The following FBXL17 variants were observed in gnomAD, a reference collection of about 807,000 sequenced individuals.
FBXL17 encodes the protein F-box and leucine rich repeat protein 17, also known as F-box/LRR-repeat protein 17.
In FBXL17, 22 loss-of-function variants were observed where a neutral mutation model predicts 66.2. That is an observed-to-expected ratio of 0.33 (90% CI 0.24 to 0.47). FBXL17 has a LOEUF of 0.47. Among genes scored for constraint, FBXL17 ranks in the 20% least tolerant of loss-of-function variants. FBXL17 has a pLI of 1.00. For synonymous variants in FBXL17, 474 were observed against 400.5 expected (o/e 1.18, Z -2.19); for missense variants, 878 against 948.2 (o/e 0.93, Z 0.97).
rs1754601439 is a variant in FBXL17 at position 108,216,426 on chromosome 5, T to C, written c.1614+7695A>G. 2.6e-5 allele frequency among the ~76,000 whole-genome samples: 4 copies of C among 152,184 alleles called. No individual in the cohort carries two copies. The South Asian group carries it at 8.3e-4, about 31-fold the overall frequency. On this transcript the variant is annotated intron_variant, in intron 5 of 8. Coordinates refer to ENST00000542267, the MANE Select transcript of FBXL17 (RefSeq NM_001163315.3). ...TGTATTTATAAATGTTTTATTATTT[T>C]TGATAATAATGTAAATGAAAGGTTT...
intron 6 of FBXL17, among the ~76,000 whole-genome samples, chr5:108,070,403 C>G (rs190875721): frequency 6.6e-6 from 1 of 152,112 alleles, no homozygotes; most frequent in Non-Finnish European, 1.5e-5. Flanking sequence ...ATGCAAAGAC[C>G]TTTTGATAAT....
chr5:108,206,109 G>A lies in FBXL17; in HGVS notation c.1614+18012C>T, dbSNP rs564073581. On this transcript the variant is annotated intron_variant, in intron 5 of 8. Coordinates refer to ENST00000542267, the MANE Select transcript of FBXL17 (RefSeq NM_001163315.3). ...ACATATAATCGCTTTTGCTTTCATTGATGATGATCATTGCCTCGGTCCATT... is the reference window on the plus strand; with the variant it reads ...ACATATAATCGCTTTTGCTTTCATTAATGATGATCATTGCCTCGGTCCATT... Among the ~76,000 whole-genome samples, 3 of 152,054 alleles carry A rather than the reference G, an allele frequency of 2.0e-5. No individual in the cohort carries two copies. In the East Asian group the frequency reaches 5.8e-4, roughly 29 times the overall value.
At chr5:107,966,401 C>A (rs1752141441) in intron 7 of FBXL17, among the ~76,000 whole-genome samples, 1 of 152,104 alleles carries the variant, frequency 6.6e-6, no homozygotes, top group Admixed American at 6.6e-5. Context: ...CCAAGAGCAT[C>A]ATTTCCTGCC....
At chr5:108,258,736 C>CTTTTTT (rs1756683287) in intron 4 of FBXL17, among the ~76,000 whole-genome samples, 1 of 130,098 alleles carries the variant, frequency 7.7e-6, no homozygotes, top group African/African-American at 3.7e-5. Context: ...TGGCCTTTAA[C>CTTTTTT]ATTTTTTTTT....
intron 6 of FBXL17, among the ~76,000 whole-genome samples, chr5:108,034,621 A>G (rs1746768536): frequency 6.6e-6 from 1 of 152,168 alleles, no homozygotes; most frequent in Non-Finnish European, 1.5e-5. Flanking sequence ...TGAATACTGT[A>G]TATGAAATAA....
chr5:108,120,824 C>T (rs1050366149), intron 6 of FBXL17, among the ~76,000 whole-genome samples: 1 of 152,084 alleles, frequency 6.6e-6, no homozygotes, highest in African/African-American at 2.4e-5. Context: ...ATACTTGTTT[C>T]ACTGATGTAT....
At chr5:107,878,715 C>A in intron 8 of FBXL17, 1 of 985,474 alleles carries the variant, frequency 1.0e-6, no homozygotes, top group Non-Finnish European at 1.2e-6. Context: ...TCCAACTAAA[C>A]CAACAAGCAG....
chr5:108,257,614 T>C (rs1269877329), intron 4 of FBXL17, among the ~76,000 whole-genome samples: 3 of 152,108 alleles, frequency 2.0e-5, no homozygotes, highest in Admixed American at 2.0e-4. Flanking sequence ...TGTAATCTTG[T>C]CCACTTTACA....
chr5:108,105,065 T>C (rs1403735410), intron 6 of FBXL17, among the ~76,000 whole-genome samples: 1 of 152,174 alleles, frequency 6.6e-6, no homozygotes, highest in Non-Finnish European at 1.5e-5. Flanking sequence ...ATGGTCTGGA[T>C]CTCCTGACCT....
chr5:108,326,927 G>A (rs1759884033), intron 4 of FBXL17, among the ~76,000 whole-genome samples: 1 of 152,128 alleles, frequency 6.6e-6, no homozygotes, highest in South Asian at 2.1e-4. Context: ...CAAAGTTCAA[G>A]TTAAACATAC....
chr5:108,381,005 C>CCCGCCACCG lies in FBXL17; in HGVS notation c.678_686dup (p.Gly229_Gly231dup), dbSNP rs1399198853. ...AAGCGCCTCCCCCCGCAGGCCCTCC[C>CCCGCCACCG]CCGCCACCGCCGCCGCCGCCGCCGC... On this transcript the variant is annotated inframe_insertion, in exon 1 of 9. Transcript: ENST00000542267. The CCCGCCACCG allele has an allele frequency of 3.4e-5, 40 of 1,193,170 alleles. No homozygotes were observed. The East Asian group carries it at 8.7e-4, about 26-fold the overall frequency. The allele number at this position is 1,193,170 out of a possible 1,614,324, so 73.9% of individuals were successfully genotyped here. A position where few individuals can be genotyped will look rare whatever the true frequency, so the allele number is the denominator to read the frequency against.
At chr5:107,999,486 A>C (rs962722194) in intron 7 of FBXL17, among the ~76,000 whole-genome samples, 3 of 121,988 alleles carry the variant, frequency 2.5e-5, no homozygotes, top group African/African-American at 5.8e-5. Flanking sequence ...CACACACACC[A>C]CACACACACA....
intron 7 of FBXL17, among the ~76,000 whole-genome samples, chr5:107,937,757 C>T (rs1750961493): frequency 1.3e-5 from 2 of 152,036 alleles, no homozygotes; most frequent in South Asian, 4.2e-4. Context: ...CGTACTTGCC[C>T]CCATCGGCAG....
At chr5:108,220,177 T>C (rs1181894997) in intron 5 of FBXL17, among the ~76,000 whole-genome samples, 2 of 151,998 alleles carry the variant, frequency 1.3e-5, no homozygotes, top group African/African-American at 2.4e-5. Context: ...TCATGGGTTA[T>C]TTAGGATTGA....
chr5:107,890,505 T>TA (rs899013729), intron 7 of FBXL17, among the ~76,000 whole-genome samples: 7 of 149,732 alleles, frequency 4.7e-5, no homozygotes, highest in African/African-American at 7.4e-5. Flanking sequence ...CTACAAAAAA[T>TA]AAAAAAAAAT....
At chr5:108,362,328 A>G (rs1748394600) in intron 3 of FBXL17, among the ~76,000 whole-genome samples, 1 of 152,208 alleles carries the variant, frequency 6.6e-6, no homozygotes, top group African/African-American at 2.4e-5. Flanking sequence ...CTAAAACTGC[A>G]TATAATTGAG....
chr5:108,171,316 G>A (rs1275927352), intron 6 of FBXL17, among the ~76,000 whole-genome samples: 5 of 152,152 alleles, frequency 3.3e-5, no homozygotes, highest in Admixed American at 1.3e-4. Context: ...TCAGAATAAG[G>A]TGTTGGAGGC....
intron 7 of FBXL17, among the ~76,000 whole-genome samples, chr5:108,009,510 G>A (rs1286818981): frequency 6.6e-6 from 1 of 151,082 alleles, no homozygotes; most frequent in Non-Finnish European, 1.5e-5. Context: ...GAGCACAGAG[G>A]CACGGAGGCT....
intron 4 of FBXL17, among the ~76,000 whole-genome samples, chr5:108,342,706 A>C (rs1477504195): frequency 6.6e-6 from 1 of 152,162 alleles, no homozygotes; most frequent in African/African-American, 2.4e-5. Context: ...TGCCTCAATT[A>C]CCTCACTGGT....
Sources: allele counts gnomAD v4.1 joint callset (sites outside exome capture counted in the v4.1 genomes callset), GRCh38; gene constraint gnomAD v4.1.1; transcripts MANE v1.5; gene names NCBI Gene and HGNC (gene_info 2026-07-23, HGNC 2026-07-21).